WWC2: variants seen among roughly 807,000 people sequenced by gnomAD.
The protein encoded by WWC2 is protein WWC2.
A neutral mutation model predicts 138.5 loss-of-function variants in WWC2; 101 were observed. The ratio of observed to expected loss-of-function variants is 0.73; its 90% CI spans 0.62 to 0.86. The LOEUF (loss-of-function observed/expected upper bound fraction) is 0.86. Ranked by LOEUF, WWC2 falls within the 40% of genes least tolerant of loss-of-function variation. The pLI is 0.00. For synonymous variants in WWC2, 558 were observed against 538.4 expected, an observed-to-expected ratio of 1.04 and a Z score of -0.50; for missense variants, 1,420 against 1,419.4, an observed-to-expected ratio of 1.00 and a Z score of -0.01.
At chr4:183,241,370 C>A (rs868325125) in intron 5 of WWC2, among the ~76,000 whole-genome samples, 1 of 152,228 alleles carries the variant, frequency 6.6e-6, no homozygotes, top group Admixed American at 6.5e-5. Flanking sequence ...GCCAGATAAA[C>A]AAACTGGTTG....
At chr4:183,117,819 G>A (rs1434358835) in intron 1 of WWC2, among the ~76,000 whole-genome samples, 3 of 147,082 alleles carry the variant, frequency 2.0e-5, no homozygotes, top group East Asian at 2.1e-4. Context: ...GTGGAGTCTC[G>A]CTCTGTCGCC....
chr4:183,167,876 A>G lies in WWC2; in HGVS notation c.132-25723A>G, dbSNP rs529343992. Among the ~76,000 whole-genome samples the G allele has an allele frequency of 8.8e-4, 83 of 94,098 alleles. 1 individual carries two copies. Among genetic ancestry groups the G allele is most frequent in the African/African-American group, 3.6e-3 (77 of 21,342 alleles). The allele number at this position is 94,098 out of a possible 152,430, so 61.7% of individuals were successfully genotyped here. On this transcript the variant is annotated intron_variant, in intron 1 of 22. Transcript: ENST00000403733. ...AGTTTGTGATTTTTTTTTTTTTTTGAGATGATGTCTTGCTTTGTCACCAGG... is the reference window on the plus strand; with the variant it reads ...AGTTTGTGATTTTTTTTTTTTTTTGGGATGATGTCTTGCTTTGTCACCAGG...
chr4:183,163,287 C>T (rs537871975), intron 1 of WWC2, among the ~76,000 whole-genome samples: 2 of 152,354 alleles, frequency 1.3e-5, no homozygotes, highest in East Asian at 1.9e-4. Context: ...ACACCCCACA[C>T]TGCCAGCTCA....
intron 1 of WWC2, among the ~76,000 whole-genome samples, chr4:183,193,173 G>A (rs987808937): frequency 5.9e-5 from 9 of 152,136 alleles, no homozygotes; most frequent in African/African-American, 2.2e-4. Flanking sequence ...ATTTATAAAT[G>A]GGCATCCAGT....
At chr4:183,189,484 TA>T (rs1734928197) in intron 1 of WWC2, among the ~76,000 whole-genome samples, 1 of 151,998 alleles carries the variant, frequency 6.6e-6, no homozygotes, top group Non-Finnish European at 1.5e-5. Context: ...GACATCATTA[TA>T]AATGAAGATT....
chr4:183,296,795 A>G (rs1347728542), intron 21 of WWC2, among the ~76,000 whole-genome samples: 1 of 151,878 alleles, frequency 6.6e-6, no homozygotes, highest in Non-Finnish European at 1.5e-5. Context: ...TTAGCGAGGC[A>G]TGGTGGCAGG....
chr4:183,099,989 G>T (rs1009854718), intron 1 of WWC2, among the ~76,000 whole-genome samples: 3 of 152,332 alleles, frequency 2.0e-5, no homozygotes, highest in Non-Finnish European at 4.4e-5. Context: ...GGCGGCGGGG[G>T]TGGGCTAGGG....
chr4:183,248,685 T>G (rs1323045753), intron 6 of WWC2, 29 bp from the exon 7 acceptor site: 1 of 1,550,814 alleles, frequency 6.4e-7, no homozygotes, highest in East Asian at 2.3e-5. Context: ...TTGTTAAGCT[T>G]TATGAAACAC....
At chr4:183,196,361 G>C (rs1353149568) in intron 2 of WWC2, among the ~76,000 whole-genome samples, 1 of 152,134 alleles carries the variant, frequency 6.6e-6, no homozygotes, top group Non-Finnish European at 1.5e-5. Flanking sequence ...TTTACTCTTT[G>C]GATTTTGTGA....
chr4:183,254,135 G>T, intron 9 of WWC2, 136 bp downstream of exon 9: 1 of 1,369,056 alleles, frequency 7.3e-7, no homozygotes, highest in Non-Finnish European at 9.7e-7. Context: ...TGGACTTTCT[G>T]TAGAACAATA....
chr4:183,193,718 C>T lies in WWC2; in HGVS notation c.241+10C>T, dbSNP rs746227495. 3 of 1,605,980 alleles carry T rather than the reference C, an allele frequency of 1.9e-6. No homozygotes were observed. The highest frequency in any genetic ancestry group is 2.6e-6 in the Non-Finnish European group (3 of 1,174,318). On this transcript the variant is annotated intron_variant, in intron 2 of 22. Transcript: ENST00000403733. Reference sequence around the variant, plus strand: ...ATCGATCACATCAACAGTAAGTTTTCCTTTTTGGTAAAAGCAAACATATCA... The same window carrying T: ...ATCGATCACATCAACAGTAAGTTTTTCTTTTTGGTAAAAGCAAACATATCA...
At chr4:183,250,020 A>G in intron 8 of WWC2, 27 bp downstream of exon 8, 1 of 1,594,542 alleles carries the variant, frequency 6.3e-7, no homozygotes, top group Non-Finnish European at 8.6e-7. Context: ...TGTTTTGTGC[A>G]TGGCTCAAAC....
At chr4:183,258,664 A>T in intron 9 of WWC2, among the ~76,000 whole-genome samples, 1 of 152,318 alleles carries the variant, frequency 6.6e-6, no homozygotes, top group East Asian at 1.9e-4. Flanking sequence ...CAGCCTTACC[A>T]GGGAGACACA....
chr4:183,150,073 A>C (rs994479752), intron 1 of WWC2, among the ~76,000 whole-genome samples: 1 of 152,130 alleles, frequency 6.6e-6, no homozygotes, highest in African/African-American at 2.4e-5. Flanking sequence ...TTTGATAGGC[A>C]TAGGTCCAGT....
intron 9 of WWC2, among the ~76,000 whole-genome samples, chr4:183,258,276 G>T (rs1737213559): frequency 6.6e-6 from 1 of 151,976 alleles, no homozygotes; most frequent in Non-Finnish European, 1.5e-5. Flanking sequence ...ATTTATATTT[G>T]AAAGATTTTT....
At chr4:183,105,851 A>C (rs151136036) in intron 1 of WWC2, among the ~76,000 whole-genome samples, 4,877 of 151,876 alleles carry the variant, frequency 0.032, 94 homozygotes, top group South Asian at 0.044. Context: ...CATTGCGCCA[A>C]TGCACTCCAG....
chr4:183,185,032 C>G (rs1414998038), intron 1 of WWC2, among the ~76,000 whole-genome samples: 1 of 152,158 alleles, frequency 6.6e-6, no homozygotes, highest in Non-Finnish European at 1.5e-5. Flanking sequence ...ATCTAATTTA[C>G]GTCTTTTAAA....
chr4:183,286,761 C>T (rs941107969), intron 20 of WWC2, among the ~76,000 whole-genome samples: 7 of 152,082 alleles, frequency 4.6e-5, no homozygotes, highest in African/African-American at 7.2e-5. Flanking sequence ...CTGTTGACGG[C>T]GAACTCACAC....
At chr4:183,194,397 T>C (rs1735073048) in intron 2 of WWC2, among the ~76,000 whole-genome samples, 2 of 152,376 alleles carry the variant, frequency 1.3e-5, no homozygotes, top group African/African-American at 4.8e-5. Context: ...GCACTCTATC[T>C]ACTCCTTTAA....
Sources: allele counts gnomAD v4.1 joint callset (sites outside exome capture counted in the v4.1 genomes callset), GRCh38; gene constraint gnomAD v4.1.1; transcripts MANE v1.5; gene names NCBI Gene and HGNC (gene_info 2026-07-23, HGNC 2026-07-21).